Variants in SLC24A2 observed in about 807,000 individuals in gnomAD.
SLC24A2 encodes solute carrier family 24 member 2.
A neutral mutation model predicts 62.0 loss-of-function variants in SLC24A2; 36 were observed. The ratio of observed to expected loss-of-function variants is 0.58; its 90% CI spans 0.44 to 0.77. SLC24A2 has a LOEUF of 0.77. Ranked by LOEUF, SLC24A2 falls within the 30% of genes least tolerant of loss-of-function variation. SLC24A2 has a pLI of 0.00. For synonymous variants in SLC24A2, 358 were observed against 294.0 expected, an observed-to-expected ratio of 1.22 and a Z score of -2.23; for missense variants, 846 against 817.9, an observed-to-expected ratio of 1.03 and a Z score of -0.42.
At chr9:19,687,410 T>C (rs964861022) in intron 2 of SLC24A2, among the ~76,000 whole-genome samples, 2 of 152,102 alleles carry the variant, frequency 1.3e-5, no homozygotes, top group African/African-American at 2.4e-5. Flanking sequence ...TGAAACTCTG[T>C]AGGAATTCGT....
chr9:19,974,586 A>G, the SLC24A2 span, among the ~76,000 whole-genome samples: 1 of 152,204 alleles, frequency 6.6e-6, no homozygotes, highest in Admixed American at 6.5e-5. Context: ...CTGAAGACCA[A>G]AGCCTCTTTG....
chr9:19,709,623 G>T (rs1446124887), intron 2 of SLC24A2, among the ~76,000 whole-genome samples: 1 of 151,822 alleles, frequency 6.6e-6, no homozygotes, highest in Middle Eastern at 3.4e-3. Flanking sequence ...GATGAAACTG[G>T]ACACCATCAT....
chr9:19,525,008 C>T (rs569763475), intron 9 of SLC24A2, among the ~76,000 whole-genome samples: 14 of 152,054 alleles, frequency 9.2e-5, no homozygotes, highest in Non-Finnish European at 1.9e-4. Context: ...AAATGGCAAA[C>T]AGTCCTTTCA....
At chr9:19,683,439 A>T (rs911704410) in intron 2 of SLC24A2, among the ~76,000 whole-genome samples, 1 of 152,132 alleles carries the variant, frequency 6.6e-6, no homozygotes, top group African/African-American at 2.4e-5. Context: ...AAGAGTCCAG[A>T]AAAGGTGATG....
At chr9:19,765,307 A>C (rs1822477574) in intron 2 of SLC24A2, among the ~76,000 whole-genome samples, 1 of 152,052 alleles carries the variant, frequency 6.6e-6, no homozygotes, top group Non-Finnish European at 1.5e-5. Context: ...TTTAAGGTTA[A>C]TATTGTTATG....
chr9:19,691,329 C>T (rs1203173013), intron 2 of SLC24A2, among the ~76,000 whole-genome samples: 2 of 152,146 alleles, frequency 1.3e-5, no homozygotes, highest in South Asian at 2.1e-4. Flanking sequence ...GGGGCTCCCA[C>T]AGGACAGGGC....
At chr9:19,639,361 G>C (rs918523670) in intron 2 of SLC24A2, among the ~76,000 whole-genome samples, 3 of 152,120 alleles carry the variant, frequency 2.0e-5, no homozygotes, top group Non-Finnish European at 4.4e-5. Flanking sequence ...CCTTGTTTTG[G>C]ATTAATCTTG....
the SLC24A2 span, among the ~76,000 whole-genome samples, chr9:19,866,098 G>T: frequency 1.3e-5 from 2 of 152,110 alleles, no homozygotes; most frequent in Non-Finnish European, 2.9e-5. Context: ...ATATGAAAAG[G>T]TGCTCAACAT....
the SLC24A2 span, among the ~76,000 whole-genome samples, chr9:19,957,200 A>G: frequency 8.5e-5 from 13 of 152,310 alleles, no homozygotes; most frequent in African/African-American, 2.4e-4. Context: ...CTTCCATACA[A>G]TAAAGACAAA....
chr9:20,076,143 C>A, the SLC24A2 span, among the ~76,000 whole-genome samples: 1 of 151,808 alleles, frequency 6.6e-6, no homozygotes, highest in African/African-American at 2.4e-5. Flanking sequence ...TTCACAGATG[C>A]GGAACCTATG....
chr9:20,030,083 C>T, the SLC24A2 span, among the ~76,000 whole-genome samples: 1 of 152,130 alleles, frequency 6.6e-6, no homozygotes, highest in Non-Finnish European at 1.5e-5. Context: ...CTGGAGAGCA[C>T]ATTTTAGACC....
chr9:20,209,489 T>C, the SLC24A2 span, among the ~76,000 whole-genome samples: 1 of 152,186 alleles, frequency 6.6e-6, no homozygotes, highest in South Asian at 2.1e-4. Flanking sequence ...TTCCCCGAAT[T>C]TGCCAACTGC....
At chr9:19,611,930 G>T (rs1837185147) in intron 4 of SLC24A2, among the ~76,000 whole-genome samples, 1 of 152,162 alleles carries the variant, frequency 6.6e-6, no homozygotes, top group Admixed American at 6.5e-5. Flanking sequence ...GCTGATGAGA[G>T]GTGGGGGGAA....
At chr9:19,747,756 G>T (rs1941426004) in intron 2 of SLC24A2, among the ~76,000 whole-genome samples, 1 of 152,176 alleles carries the variant, frequency 6.6e-6, no homozygotes, top group African/African-American at 2.4e-5. Context: ...GAACACACTT[G>T]TGATGGCACA....
At chr9:20,168,313 A>T in the SLC24A2 span, among the ~76,000 whole-genome samples, 1 of 152,000 alleles carries the variant, frequency 6.6e-6, no homozygotes, top group Non-Finnish European at 1.5e-5. Flanking sequence ...TTTCAAACTA[A>T]AAAGCTTAAA....
At chr9:19,597,918 G>C (rs945114999) in intron 4 of SLC24A2, among the ~76,000 whole-genome samples, 3 of 152,190 alleles carry the variant, frequency 2.0e-5, no homozygotes, top group Non-Finnish European at 2.9e-5. Context: ...CACAGCTCCA[G>C]GACTAAGGCA....
At chr9:20,260,358 C>T in the SLC24A2 span, among the ~76,000 whole-genome samples, 15,183 of 152,280 alleles carry the variant, frequency 0.1, 830 homozygotes, top group East Asian at 0.2. Flanking sequence ...TATTCTGATA[C>T]AGCAGCAACA....
chr9:20,295,323 T>C, the SLC24A2 span, among the ~76,000 whole-genome samples: 1 of 152,208 alleles, frequency 6.6e-6, no homozygotes, highest in Non-Finnish European at 1.5e-5. Context: ...TGCATCATAT[T>C]AGTTTCATCA....
At chr9:20,199,857 T>G in the SLC24A2 span, among the ~76,000 whole-genome samples, 1 of 151,582 alleles carries the variant, frequency 6.6e-6, no homozygotes, top group African/African-American at 2.4e-5. Flanking sequence ...GAGCTGGGAT[T>G]ACAGGCACCC....
Sources: gnomAD v4.1 joint callset for allele counts (sites outside exome capture counted in the v4.1 genomes callset) on GRCh38, gnomAD v4.1.1 for gene constraint, MANE v1.5 for transcripts, NCBI Gene and HGNC (gene_info 2026-07-23, HGNC 2026-07-21) for gene names.